CLTRN: variants seen among roughly 807,000 people sequenced by gnomAD.
CLTRN encodes collectrin, amino acid transport regulator.
In CLTRN, 12 loss-of-function variants were observed where a neutral mutation model predicts 14.5. The observed-to-expected ratio is 0.83, with a 90% CI of 0.53 to 1.34. The LOEUF (loss-of-function observed/expected upper bound fraction) is 1.34, where lower values mean the gene tolerates loss of function less well. Among genes scored for constraint, CLTRN ranks in the 40% most tolerant of loss-of-function variants. The probability of loss-of-function intolerance (pLI) is 0.00; values close to 1 mark genes in which losing one functional copy is unlikely to be tolerated. For missense variants in CLTRN, 154 were observed against 165.1 expected (o/e 0.93, Z 0.37); for synonymous variants, 58 against 56.5 (o/e 1.03, Z -0.12).
chrX:15,634,096 T>C (rs1425616151), intron 5 of CLTRN, among the ~76,000 whole-genome samples: 1 of 111,926 alleles, frequency 8.9e-6, no homozygotes, highest in Non-Finnish European at 1.9e-5. Context: ...GGATTCAACA[T>C]CAATTCTAGT....
intron 3 of CLTRN, among the ~76,000 whole-genome samples, chrX:15,653,580 A>C (rs188714740): frequency 9.0e-6 from 1 of 111,006 alleles, no homozygotes; most frequent in East Asian, 2.8e-4. Context: ...TTTCCTCATT[A>C]GCGTTCCCAT....
At chrX:15,670,283 T>TA (rs1378551192) in intron 1 of CLTRN, among the ~76,000 whole-genome samples, 5 of 71,683 alleles carry the variant, frequency 7.0e-5, no homozygotes, top group Admixed American at 5.0e-4. Context: ...TCTCAAAAAA[T>TA]AAAAAAAACA....
At chrX:15,630,807 G>T (rs913816143) in intron 5 of CLTRN, among the ~76,000 whole-genome samples, 2 of 111,610 alleles carry the variant, frequency 1.8e-5, no homozygotes, top group Non-Finnish European at 3.8e-5. Flanking sequence ...CATGGGTTGG[G>T]GTGGACATAG....
At chrX:15,658,728 A>G (rs1209201429) in intron 3 of CLTRN, among the ~76,000 whole-genome samples, 1 of 107,415 alleles carries the variant, frequency 9.3e-6, no homozygotes, top group Non-Finnish European at 1.9e-5. Context: ...ATATATATAT[A>G]TATATACACA....
chrX:15,639,359 G>A (rs771281458), intron 5 of CLTRN, among the ~76,000 whole-genome samples: 1 of 112,117 alleles, frequency 8.9e-6, no homozygotes, highest in East Asian at 2.8e-4. Context: ...AGTCGTGGAA[G>A]GAGCCTAGTT....
chrX:15,632,717 A>T (rs1451592608), intron 5 of CLTRN, among the ~76,000 whole-genome samples: 4 of 101,296 alleles, frequency 3.9e-5, no homozygotes, highest in Admixed American at 1.1e-4. Flanking sequence ...TGATGAAACT[A>T]TTAAAAATAC....
chrX:15,667,452 G>A (rs930836051), upstream of CLTRN, among the ~76,000 whole-genome samples: 1 of 111,407 alleles, frequency 9.0e-6, no homozygotes, highest in Non-Finnish European at 1.9e-5. Flanking sequence ...AATGTTTGTT[G>A]TATCATCTTT....
chrX:15,646,313 C>G (rs1929066458), intron 3 of CLTRN: 1 of 258,267 alleles, frequency 3.9e-6, no homozygotes, highest in Admixed American at 5.2e-5. Context: ...GGTCACTGAG[C>G]CCGGACACTA....
intron 4 of CLTRN, among the ~76,000 whole-genome samples, chrX:15,639,988 T>C (rs990432): frequency 0.25 from 27,806 of 111,271 alleles, 2,730 homozygotes; most frequent in East Asian, 0.52. Flanking sequence ...GCTGCCCCCA[T>C]TGTTGTGAAT....
chrX:15,653,090 CAAAT>C (rs1004099290), intron 3 of CLTRN, among the ~76,000 whole-genome samples: 14 of 111,136 alleles, frequency 1.3e-4, no homozygotes, highest in Non-Finnish European at 1.9e-4. Flanking sequence ...CAAAAAAAAA[CAAAT>C]AAATAAACAA....
intron 5 of CLTRN, among the ~76,000 whole-genome samples, chrX:15,634,725 C>T (rs962119550): frequency 4.3e-5 from 4 of 92,906 alleles, no homozygotes; most frequent in Non-Finnish European, 6.1e-5. Flanking sequence ...TAGGTGGGAA[C>T]TGAACAATGA....
intron 2 of CLTRN, among the ~76,000 whole-genome samples, chrX:15,662,187 T>TA (rs746610264): frequency 2.4e-3 from 263 of 110,265 alleles, no homozygotes; most frequent in Non-Finnish European, 3.2e-3. Context: ...TTTTTTTTTT[T>TA]AACCATTTTT....
chrX:15,639,820 T>G (rs1384642204), intron 4 of CLTRN, 64 bp from the exon 5 acceptor site: 6 of 966,284 alleles, frequency 6.2e-6, no homozygotes, highest in Non-Finnish European at 8.5e-6. Flanking sequence ...TAAGACAAAG[T>G]ACAAACCTGT....
At chrX:15,637,653 T>C (rs1358471136) in intron 5 of CLTRN, among the ~76,000 whole-genome samples, 9 of 111,852 alleles carry the variant, frequency 8.0e-5, no homozygotes, top group Non-Finnish European at 1.5e-4. Flanking sequence ...AGATAGCTGA[T>C]CCCAATACAA....
chrX:15,655,300 C>A (rs932378989), intron 3 of CLTRN, among the ~76,000 whole-genome samples: 1 of 112,331 alleles, frequency 8.9e-6, no homozygotes, highest in Admixed American at 9.4e-5. Context: ...GTGGTTCCCC[C>A]GCTTTGAGAG....
intron 2 of CLTRN, among the ~76,000 whole-genome samples, chrX:15,660,226 C>T (rs1324332782): frequency 1.8e-5 from 2 of 111,608 alleles, no homozygotes; most frequent in Non-Finnish European, 3.8e-5. Flanking sequence ...TAAATAACAA[C>T]AACAAAAAAT....
At chrX:15,651,431 T>C (rs1929213539) in intron 3 of CLTRN, among the ~76,000 whole-genome samples, 2 of 110,532 alleles carry the variant, frequency 1.8e-5, no homozygotes, top group African/African-American at 6.6e-5. Flanking sequence ...TGGCAGAATT[T>C]GCACATAGTT....
At chrX:15,644,831 A>T in intron 4 of CLTRN, 85 bp downstream of exon 4, 1 of 579,617 alleles carries the variant, frequency 1.7e-6, no homozygotes, top group Non-Finnish European at 2.7e-6. Context: ...GAAACAGATA[A>T]AACTCTTCAA....
At chrX:15,655,548 C>T (rs1381337620) in intron 3 of CLTRN, among the ~76,000 whole-genome samples, 1 of 112,248 alleles carries the variant, frequency 8.9e-6, no homozygotes, top group Non-Finnish European at 1.9e-5. Flanking sequence ...GTAACTCTAT[C>T]CTGTTCCCTT....
Sources: allele counts gnomAD v4.1 joint callset (sites outside exome capture counted in the v4.1 genomes callset), GRCh38; gene constraint gnomAD v4.1.1; transcripts MANE v1.5; gene names NCBI Gene and HGNC (gene_info 2026-07-23, HGNC 2026-07-21).